PLEKHG4B: variants seen among roughly 807,000 people sequenced by gnomAD.
PLEKHG4B encodes the protein pleckstrin homology domain-containing family G member 4B.
A neutral mutation model predicts 121.3 loss-of-function variants in PLEKHG4B; 111 were observed. The observed-to-expected ratio is 0.92, with a 90% CI of 0.78 to 1.07. The LOEUF is 1.07. Among genes scored for constraint, PLEKHG4B ranks in the 50% least tolerant of loss-of-function variants. PLEKHG4B has a pLI of 0.00. For synonymous variants in PLEKHG4B, 738 were observed against 725.0 expected (o/e 1.02, Z -0.29); for missense variants, 1,831 against 1,757.8 (o/e 1.04, Z -0.74).
At chr5:110,517 T>C (rs190960089) in intron 1 of PLEKHG4B, among the ~76,000 whole-genome samples, 15 of 131,132 alleles carry the variant, frequency 1.1e-4, no homozygotes, top group Non-Finnish European at 2.3e-4. Flanking sequence ...GCAACACACA[T>C]GCACACATCC....
intron 2 of PLEKHG4B, among the ~76,000 whole-genome samples, chr5:135,683 ATATATATATATATATATATATATATATAT>A (rs1443221871): frequency 3.7e-4 from 6 of 16,118 alleles, no homozygotes; most frequent in South Asian, 2.5e-3. Context: ...AAAAAAAAAA[ATATATATATATATATATATATATATATAT>A]ATATATATAT....
At chr5:166,687 C>T (rs996016483) in intron 13 of PLEKHG4B, among the ~76,000 whole-genome samples, 3 of 152,102 alleles carry the variant, frequency 2.0e-5, no homozygotes, top group Non-Finnish European at 4.4e-5. Flanking sequence ...GGGTACCAGT[C>T]GGTGGCCCTG....
chr5:120,218 A>C (rs893310464), intron 2 of PLEKHG4B, among the ~76,000 whole-genome samples: 2 of 152,214 alleles, frequency 1.3e-5, no homozygotes, highest in African/African-American at 2.4e-5. Flanking sequence ...GTACCACTGC[A>C]CTTGGCCTGG....
At chr5:154,074 C>T (rs991893852) in intron 7 of PLEKHG4B, among the ~76,000 whole-genome samples, 3 of 151,926 alleles carry the variant, frequency 2.0e-5, no homozygotes, top group Non-Finnish European at 4.4e-5. Context: ...GGCATGATCT[C>T]GGCCCACAGC....
At chr5:148,367 ATAAGT>A (rs1395730765) in intron 6 of PLEKHG4B, among the ~76,000 whole-genome samples, 1 of 151,320 alleles carries the variant, frequency 6.6e-6, no homozygotes, top group African/African-American at 2.4e-5. Flanking sequence ...ATAAATAAAA[ATAAGT>A]TAATTCAGCA....
At chr5:120,049 G>C (rs1734423450) in intron 2 of PLEKHG4B, among the ~76,000 whole-genome samples, 1 of 152,154 alleles carries the variant, frequency 6.6e-6, no homozygotes, top group African/African-American at 2.4e-5. Flanking sequence ...GAGTTCAGTA[G>C]CATCCTGGGC....
intron 13 of PLEKHG4B, among the ~76,000 whole-genome samples, chr5:164,532 C>CGGGGCGG (rs1736183352): frequency 1.6e-4 from 9 of 55,846 alleles, no homozygotes; most frequent in Non-Finnish European, 3.1e-4. Flanking sequence ...AATGCTGTGA[C>CGGGGCGG]AGGGGGCGGA....
intron 2 of PLEKHG4B, among the ~76,000 whole-genome samples, chr5:121,434 A>C (rs1734465817): frequency 6.6e-6 from 1 of 152,210 alleles, no homozygotes; most frequent in Non-Finnish European, 1.5e-5. Context: ...GAAACAATGA[A>C]CAAAACCTCA....
At chr5:119,593 C>T (rs985685723) in intron 2 of PLEKHG4B, among the ~76,000 whole-genome samples, 10 of 152,184 alleles carry the variant, frequency 6.6e-5, no homozygotes, top group Admixed American at 6.5e-5. Flanking sequence ...ACAATTGCAT[C>T]GTCCTTCAAA....
chr5:168,824 T>G, intron 13 of PLEKHG4B, among the ~76,000 whole-genome samples: 1 of 151,324 alleles, frequency 6.6e-6, no homozygotes, highest in African/African-American at 2.4e-5. Context: ...TGCAGGTGAG[T>G]CGCTCCTTGC....
Position 140,161 on chromosome 5 carries a change from T to G in PLEKHG4B, c.922T>G (p.Ser308Ala). 10 of 776,476 alleles carry G rather than the reference T, an allele frequency of 1.3e-5. No homozygotes were observed. The highest frequency in any genetic ancestry group is 7.0e-5 in the Admixed American group (2 of 28,586). The allele number at this position is 776,476 out of a possible 1,614,324, so 48.1% of individuals were successfully genotyped here. ...GATGCCCCCTGAGAACTGTGGGGGG[T>G]CGGGGGAGAGGCCGGACCCCATGGA... ...PRMPPENCGG[S>A]GERPDPMDQE... The change falls in exon 3 of 20, where the codon TCG becomes GCG. Residue 308 changes from serine (S) to alanine (A), a missense_variant. Transcript: ENST00000637938.
At chr5:95,309 T>TGCCCACATCCACCCTGTGCCC (rs907793904) in intron 1 of PLEKHG4B, among the ~76,000 whole-genome samples, 1 of 152,106 alleles carries the variant, frequency 6.6e-6, no homozygotes, top group African/African-American at 2.4e-5. Flanking sequence ...AAGCTGAGCC[T>TGCCCACATCCACCCTGTGCCC]GCCCACATCC....
Position 176,547 on chromosome 5 carries a change from C to T in PLEKHG4B, c.4402+2449C>T, listed in dbSNP as rs543998211. 5.3e-5 allele frequency among the ~76,000 whole-genome samples: 8 copies of T among 152,370 alleles called. No homozygotes were observed. The South Asian group carries it at 1.2e-3, about 24-fold the overall frequency. Reference sequence around the variant, plus strand: ...GAGGCTTCACTTACAGAGACAGAAACGGTTGCAGCCAACTTGACAGCAACT... The same window carrying T: ...GAGGCTTCACTTACAGAGACAGAAATGGTTGCAGCCAACTTGACAGCAACT... On this transcript the variant is annotated intron_variant, in intron 18 of 19. Transcript: ENST00000637938.
At position 182,401 on chromosome 5, in the gene PLEKHG4B, G is replaced by C; in HGVS notation, c.*78G>C. 1 of 1,434,992 alleles carries C rather than the reference G, an allele frequency of 7.0e-7. No homozygotes were observed. Among genetic ancestry groups the C allele is most frequent in the Non-Finnish European group, 9.3e-7 (1 of 1,071,430 alleles). 88.9% of individuals were successfully genotyped at this position (1,434,992 alleles called of 1,614,324 possible). A position where few individuals can be genotyped will look rare whatever the true frequency, so the allele number is the denominator to read the frequency against. On this transcript the variant is annotated 3_prime_UTR_variant, in exon 20 of 20. Coordinates refer to ENST00000637938, the MANE Select transcript of PLEKHG4B (RefSeq NM_052909.5). ...CAGCACGCCAGGCCTGATGACTCTG[G>C]GGGTGGCGGTGCCCATCGCGTGGCT...
chr5:162,029 G>A (rs1275335497), intron 12 of PLEKHG4B, 85 bp downstream of exon 12: 1 of 1,469,252 alleles, frequency 6.8e-7, no homozygotes, highest in East Asian at 2.4e-5. Flanking sequence ...TCACAAGCTG[G>A]AGTGGGCCAG....
chr5:97,210 T>C (rs1308891278), intron 1 of PLEKHG4B, among the ~76,000 whole-genome samples: 9 of 151,460 alleles, frequency 5.9e-5, no homozygotes, highest in African/African-American at 1.9e-4. Flanking sequence ...CATTCCAAAG[T>C]CCAAACCCCT....
At chr5:153,414 G>C (rs1735665795) in intron 7 of PLEKHG4B, among the ~76,000 whole-genome samples, 1 of 152,176 alleles carries the variant, frequency 6.6e-6, no homozygotes, top group Admixed American at 6.5e-5. Flanking sequence ...TTGTTCTAGT[G>C]TGCACGTAAC....
At position 102,161 on chromosome 5, in the gene PLEKHG4B, T is replaced by A. The variant is rs192267734; in HGVS notation, c.45+9885T>A. ...TGGAAAAAGCCTGTAGGGGAGAGAC[T>A]GCTGTGAGGTTAATCCATATAAATC... On this transcript the variant is annotated intron_variant, in intron 1 of 19. Coordinates refer to ENST00000637938, the MANE Select transcript of PLEKHG4B (RefSeq NM_052909.5). Among the ~76,000 whole-genome samples, 4 of 152,092 alleles carry A rather than the reference T, an allele frequency of 2.6e-5. No individual in the cohort carries two copies. The East Asian group carries it at 5.8e-4, about 22-fold the overall frequency.
At chr5:104,608 G>A (rs1019897742) in intron 1 of PLEKHG4B, among the ~76,000 whole-genome samples, 1 of 152,142 alleles carries the variant, frequency 6.6e-6, no homozygotes, top group Non-Finnish European at 1.5e-5. Context: ...TTGAAAAGAG[G>A]AAGAGGGCTG....
Sources: gnomAD v4.1 joint callset for allele counts (sites outside exome capture counted in the v4.1 genomes callset) on GRCh38, gnomAD v4.1.1 for gene constraint, MANE v1.5 for transcripts, NCBI Gene and HGNC (gene_info 2026-07-23, HGNC 2026-07-21) for gene names.